The following ANKRD6 variants were observed in gnomAD, a reference collection of about 807,000 sequenced individuals.
The protein encoded by ANKRD6 is ankyrin repeat domain-containing protein 6.
A neutral mutation model predicts 82.3 loss-of-function variants in ANKRD6; 56 were observed. That is an observed-to-expected ratio of 0.68 (90% CI 0.55 to 0.85). ANKRD6 has a LOEUF of 0.85. Ranked by LOEUF, ANKRD6 falls within the 40% of genes least tolerant of loss-of-function variation. The pLI is 0.00. For synonymous variants in ANKRD6, 347 were observed against 352.1 expected, an observed-to-expected ratio of 0.99 and a Z score of 0.16; for missense variants, 852 against 907.6, an observed-to-expected ratio of 0.94 and a Z score of 0.79.
In ANKRD6 at chr6:89,631,050, T is replaced by G. The variant is rs1327919645; in HGVS notation, c.*46T>G. ...GAAAGGATTCTTGAAGATTTCCAGT[T>G]TTGCAACTGCATAATAGCTATGCCC... On this transcript the variant is annotated 3_prime_UTR_variant, in exon 16 of 16. Coordinates refer to ENST00000339746, the MANE Select transcript of ANKRD6 (RefSeq NM_001242809.2). 1.4e-5 allele frequency: 20 copies of G among 1,460,552 alleles called. No homozygotes were observed. The highest frequency in any genetic ancestry group is 1.7e-5 in the Non-Finnish European group (19 of 1,111,864). 90.5% of individuals were successfully genotyped at this position (1,460,552 alleles called of 1,614,324 possible). A position where few individuals can be genotyped will look rare whatever the true frequency, so the allele number is the denominator to read the frequency against.
chr6:89,627,711 C>T lies in ANKRD6; in HGVS notation c.1485+15C>T. ...AGAAACGACAGGTAGGAACCAGCAT[C>T]TGCTAGTCCTTAACTTATGATTTAC... On this transcript the variant is annotated intron_variant, in intron 14 of 15. Transcript: ENST00000339746. 6.2e-7 allele frequency: 1 copy of T among 1,611,102 alleles called. No individual in the cohort carries two copies. Among genetic ancestry groups the T allele is most frequent in the Non-Finnish European group, 8.5e-7 (1 of 1,177,652 alleles).
At chr6:89,627,989 T>G (rs113276944) in intron 14 of ANKRD6, among the ~76,000 whole-genome samples, 11 of 152,342 alleles carry the variant, frequency 7.2e-5, no homozygotes, top group African/African-American at 2.6e-4. Context: ...CATTACAGTT[T>G]TAGAACAAGA....
intron 1 of ANKRD6, among the ~76,000 whole-genome samples, chr6:89,538,235 C>T (rs986377595): frequency 6.6e-6 from 1 of 152,000 alleles, no homozygotes; most frequent in Non-Finnish European, 1.5e-5. Flanking sequence ...TCATTTTTCC[C>T]CTTGCAATTT....
intron 2 of ANKRD6, among the ~76,000 whole-genome samples, chr6:89,580,264 G>A (rs538454257): frequency 6.6e-6 from 1 of 151,018 alleles, no homozygotes; most frequent in South Asian, 2.1e-4. Flanking sequence ...GGAAACAGAA[G>A]CTTCAAGAGG....
At chr6:89,459,160 C>T (rs1773833354) in intron 1 of ANKRD6, among the ~76,000 whole-genome samples, 1 of 152,126 alleles carries the variant, frequency 6.6e-6, no homozygotes, top group Admixed American at 6.6e-5. Context: ...CTCACTGCAA[C>T]CTCCGTCTCC....
intron 1 of ANKRD6, among the ~76,000 whole-genome samples, chr6:89,478,748 C>A (rs1368324943): frequency 4.3e-5 from 5 of 117,060 alleles, no homozygotes; most frequent in African/African-American, 1.9e-4. Flanking sequence ...CAGAGTGAGA[C>A]TCTGTCTCAA....
chr6:89,626,410 T>C (rs1416619984), intron 13 of ANKRD6, among the ~76,000 whole-genome samples: 2 of 152,142 alleles, frequency 1.3e-5, no homozygotes, highest in Admixed American at 1.3e-4. Flanking sequence ...TAGTGTGACC[T>C]GTGAACAAAG....
chr6:89,609,960 A>C (rs2128209776), intron 5 of ANKRD6, among the ~76,000 whole-genome samples: 1 of 152,142 alleles, frequency 6.6e-6, no homozygotes, highest in African/African-American at 2.4e-5. Context: ...AGGTCAGGAA[A>C]CTCATGCGTC....
intron 1 of ANKRD6, chr6:89,562,870 T>C (rs909829281): frequency 3.3e-5 from 5 of 152,152 alleles, no homozygotes; most frequent in African/African-American, 1.2e-4. Context: ...CTGAACACGA[T>C]GTAGAACAGA....
At chr6:89,446,973 C>T (rs1262489601) in intron 1 of ANKRD6, among the ~76,000 whole-genome samples, 2 of 152,148 alleles carry the variant, frequency 1.3e-5, no homozygotes, top group African/African-American at 4.8e-5. Context: ...GGTTCCCCAG[C>T]CCTGCGGAAC....
At position 89,632,318 on chromosome 6, in the gene ANKRD6, TTTTC is replaced by T. The variant is rs1163618968; in HGVS notation, c.*1318_*1321del. 1 of 151,934 alleles carries T rather than the reference TTTTC, an allele frequency of 6.6e-6. No homozygotes were observed. Among genetic ancestry groups the T allele is most frequent in the African/African-American group, 2.4e-5 (1 of 41,286 alleles). The allele number at this position is 151,934 out of a possible 1,614,324, so 9.4% of individuals were successfully genotyped here. On this transcript the variant is annotated 3_prime_UTR_variant, in exon 16 of 16. Coordinates refer to ENST00000339746, the MANE Select transcript of ANKRD6 (RefSeq NM_001242809.2). The stretch of plus-strand genomic sequence containing the variant: ...CTTTGTCAAGCTCAGTTTTAGGGTT[TTTTC>T]TTTTTTTTATAGTGACAATCCATAG...
rs758309482 is a variant in ANKRD6 at position 89,633,706 on chromosome 6, T to C, written c.*2702T>C. 1 of 152,238 alleles carries C rather than the reference T, an allele frequency of 6.6e-6. No individual in the cohort carries two copies. Among genetic ancestry groups the C allele is most frequent in the Non-Finnish European group, 1.5e-5 (1 of 68,036 alleles). The allele number at this position is 152,238 out of a possible 1,614,324, so 9.4% of individuals were successfully genotyped here. On this transcript the variant is annotated 3_prime_UTR_variant, in exon 16 of 16. Transcript: ENST00000339746. ...GTTATGCCTTGTTTGTGGAGTCAAG[T>C]GTTGATATACTTGAGGCATGTTATG...
At chr6:89,448,539 A>G (rs1263490417) in intron 1 of ANKRD6, among the ~76,000 whole-genome samples, 3 of 152,192 alleles carry the variant, frequency 2.0e-5, no homozygotes, top group Non-Finnish European at 4.4e-5. Context: ...GGTTTACTGA[A>G]TATGTTAAGC....
intron 1 of ANKRD6, among the ~76,000 whole-genome samples, chr6:89,544,102 C>T (rs1784748642): frequency 6.6e-6 from 1 of 152,182 alleles, no homozygotes; most frequent in African/African-American, 2.4e-5. Flanking sequence ...TCTCGGCCCT[C>T]CTGGGATCAT....
At chr6:89,567,859 C>G (rs1008558965) in intron 2 of ANKRD6, among the ~76,000 whole-genome samples, 1 of 152,180 alleles carries the variant, frequency 6.6e-6, no homozygotes, top group South Asian at 2.1e-4. Flanking sequence ...GGTGGAAATG[C>G]AACTTGTACC....
intron 3 of ANKRD6, among the ~76,000 whole-genome samples, chr6:89,599,533 T>C (rs1231821898): frequency 6.6e-6 from 1 of 152,202 alleles, no homozygotes; most frequent in Non-Finnish European, 1.5e-5. Context: ...AGGCCACATC[T>C]TGTTTCTTCG....
chr6:89,562,168 C>T (rs1295072059), intron 1 of ANKRD6, among the ~76,000 whole-genome samples: 1 of 152,194 alleles, frequency 6.6e-6, no homozygotes, highest in African/African-American at 2.4e-5. Flanking sequence ...TTAGGGCAGT[C>T]GACAGCACTC....
At chr6:89,457,772 G>C (rs979569712) in intron 1 of ANKRD6, among the ~76,000 whole-genome samples, 4 of 152,132 alleles carry the variant, frequency 2.6e-5, no homozygotes, top group Non-Finnish European at 5.9e-5. Context: ...TAAGTTGATT[G>C]AGTTATATTT....
Position 89,630,600 on chromosome 6 carries a change from C to CA in ANKRD6, c.1781dup (p.Thr595AspfsTer8). 1 of 1,613,910 alleles carries CA rather than the reference C, an allele frequency of 6.2e-7. No homozygotes were observed. The highest frequency in any genetic ancestry group is 8.5e-7 in the Non-Finnish European group (1 of 1,179,824). ...CTCCCGACTGAGAAACGTCAAGGTC[C>CA]AGACAGCCTTGCTACCCATGAATGA... On this transcript the variant is annotated frameshift_variant, in exon 16 of 16. Transcript: ENST00000339746. LOFTEE classifies it high-confidence loss of function.
Sources: gnomAD v4.1 joint callset for allele counts (sites outside exome capture counted in the v4.1 genomes callset) on GRCh38, gnomAD v4.1.1 for gene constraint, MANE v1.5 for transcripts, NCBI Gene and HGNC (gene_info 2026-07-23, HGNC 2026-07-21) for gene names.